Variants in MAPT observed in about 807,000 individuals in gnomAD.
MAPT encodes the protein microtubule associated protein tau.
MAPT carries 34 observed loss-of-function variants against 67.9 expected under a neutral mutation model. The ratio of observed to expected loss-of-function variants is 0.50; its 90% CI spans 0.38 to 0.67. The LOEUF (loss-of-function observed/expected upper bound fraction) is 0.67. Ranked by LOEUF, MAPT falls within the 30% of genes least tolerant of loss-of-function variation. MAPT has a pLI of 0.00. For missense variants in MAPT, 881 were observed against 1,115.2 expected, an observed-to-expected ratio of 0.79 and a Z score of 2.99; for synonymous variants, 456 against 464.5, an observed-to-expected ratio of 0.98 and a Z score of 0.23.
At chr17:45,930,345 T>G (rs1483964157) in intron 1 of MAPT, among the ~76,000 whole-genome samples, 1 of 150,550 alleles carries the variant, frequency 6.6e-6, no homozygotes, top group Admixed American at 6.6e-5. Context: ...AGGTAGAGGT[T>G]GCAGTGAGCC....
At chr17:46,014,649 T>C (rs1038419142) in intron 11 of MAPT, among the ~76,000 whole-genome samples, 5 of 151,754 alleles carry the variant, frequency 3.3e-5, no homozygotes, top group Admixed American at 2.0e-4. Flanking sequence ...CCAAGGTGGG[T>C]GGATCATGAG....
At chr17:45,991,638 A>C (rs1169482378) in intron 8 of MAPT, 52 bp downstream of exon 8, 1 of 1,613,288 alleles carries the variant, frequency 6.2e-7, no homozygotes, top group Admixed American at 1.7e-5. Context: ...TCTCAGAGGT[A>C]CAGCCTTCAT....
intron 2 of MAPT, among the ~76,000 whole-genome samples, chr17:45,970,378 T>C (rs769681309): frequency 6.8e-6 from 1 of 146,982 alleles, no homozygotes; most frequent in Non-Finnish European, 1.5e-5. Context: ...ATTCATCCAA[T>C]CATCCATCCA....
intron 1 of MAPT, among the ~76,000 whole-genome samples, chr17:45,955,549 T>C (rs17571739): frequency 0.14 from 21,790 of 152,038 alleles, 2,131 homozygotes; most frequent in Non-Finnish European, 0.22. Context: ...GCGTGTCCAG[T>C]GGTTTACCCC....
rs372902850 is a variant in MAPT at position 45,971,830 on chromosome 17, G to A, written c.134-29G>A. The A allele has an allele frequency of 8.9e-5, 137 of 1,535,692 alleles. No individual in the cohort carries two copies. Among genetic ancestry groups the A allele is most frequent in the African/African-American group, 2.0e-4 (15 of 73,412 alleles). On this transcript the variant is annotated intron_variant, in intron 2 of 12. Transcript: ENST00000262410. This position sits in a 1 kb window ranked among gnomAD's most constrained non-coding sequence, Gnocchi z 4.3. ...AAGGGGGCGCTGGGGAGAGGCCACC[G>A]TTCTGAGGGCTCACTGTATGTGTTC...
intron 11 of MAPT, among the ~76,000 whole-genome samples, chr17:46,018,355 T>C (rs990824595): frequency 6.7e-6 from 1 of 149,134 alleles, no homozygotes; most frequent in African/African-American, 2.4e-5. Context: ...CCAAACACCA[T>C]TCTAAAGGAG....
intron 1 of MAPT, chr17:45,895,184 TC>T (rs1239644706): frequency 6.6e-6 from 1 of 151,236 alleles, no homozygotes; most frequent in Non-Finnish European, 1.5e-5. Flanking sequence ...TGGATCGGGT[TC>T]TAGAAAAGAT....
chr17:45,998,044 G>A (rs1417319938), intron 9 of MAPT, among the ~76,000 whole-genome samples: 2 of 152,220 alleles, frequency 1.3e-5, no homozygotes, highest in Non-Finnish European at 2.9e-5. Context: ...GGCTGCAGAT[G>A]TGCTGGGCCT....
intron 9 of MAPT, among the ~76,000 whole-genome samples, chr17:45,998,397 G>A (rs764409531): frequency 2.6e-5 from 4 of 152,194 alleles, no homozygotes; most frequent in Non-Finnish European, 5.9e-5. Context: ...CGTGCCAGGC[G>A]GTGCACAGAG....
Position 45,942,985 on chromosome 17 carries a change from T to C in MAPT, c.-17-19336T>C, listed in dbSNP as rs550126333. On this transcript the variant is annotated intron_variant, in intron 1 of 12. Coordinates refer to ENST00000262410, the MANE Select transcript of MAPT (RefSeq NM_001377265.1). ...CTTATCTCTGGCCCCAATGCCGCCA[T>C]GCAGAAGTGTCTGGGGGCACTTTGT... Among the ~76,000 whole-genome samples, 64 of 152,236 alleles carry C rather than the reference T, an allele frequency of 4.2e-4. 1 individual carries two copies. Among genetic ancestry groups the C allele is most frequent in the Non-Finnish European group, 7.6e-4 (52 of 68,034 alleles).
chr17:45,966,208 A>G (rs1490349676), intron 2 of MAPT, among the ~76,000 whole-genome samples: 1 of 152,242 alleles, frequency 6.6e-6, no homozygotes, highest in African/African-American at 2.4e-5. Context: ...CAACAAGGGA[A>G]CTGGATGTGG....
chr17:46,014,440 C>T, intron 11 of MAPT, 116 bp downstream of exon 11: 2 of 780,676 alleles, frequency 2.6e-6, no homozygotes, highest in Non-Finnish European at 2.3e-6. Flanking sequence ...TTTAGGTAGA[C>T]CTACATCAAG....
chr17:46,020,835 T>C (rs1359086760), intron 12 of MAPT, among the ~76,000 whole-genome samples: 1 of 152,114 alleles, frequency 6.6e-6, no homozygotes, highest in Non-Finnish European at 1.5e-5. Context: ...CAATTCAAGA[T>C]GACATTTGGG....
chr17:46,022,245 C>T (rs1416613921), intron 12 of MAPT, among the ~76,000 whole-genome samples: 1 of 150,568 alleles, frequency 6.6e-6, no homozygotes, highest in East Asian at 2.0e-4. Flanking sequence ...GTCCCAGCTA[C>T]TTGGGAGGCC....
chr17:45,966,484 G>A (rs977102519), intron 2 of MAPT, among the ~76,000 whole-genome samples: 9 of 152,062 alleles, frequency 5.9e-5, no homozygotes, highest in African/African-American at 1.9e-4. Flanking sequence ...AGCTACTTGC[G>A]GGGCTGAGGT....
intron 1 of MAPT, among the ~76,000 whole-genome samples, chr17:45,911,218 T>C (rs1025262975): frequency 6.6e-6 from 1 of 152,216 alleles, no homozygotes; most frequent in African/African-American, 2.4e-5. Context: ...CGCAGGGAGA[T>C]GCTTTATTCA....
intron 1 of MAPT, among the ~76,000 whole-genome samples, chr17:45,930,581 G>A (rs2066758742): frequency 6.6e-6 from 1 of 152,144 alleles, no homozygotes; most frequent in Non-Finnish European, 1.5e-5. Context: ...TAAGTCACTT[G>A]TCCCAGGCCA....
chr17:45,920,355 C>T (rs976542273), intron 1 of MAPT, among the ~76,000 whole-genome samples: 1 of 152,176 alleles, frequency 6.6e-6, no homozygotes, highest in Non-Finnish European at 1.5e-5. Flanking sequence ...CACCATAATG[C>T]CCTGTTGAGT....
intron 9 of MAPT, chr17:45,999,241 C>T: frequency 6.3e-7 from 1 of 1,593,054 alleles, no homozygotes; most frequent in Non-Finnish European, 8.6e-7. Flanking sequence ...TAAACTCTGA[C>T]CACACTGAGC....
Sources: gnomAD v4.1 joint callset for allele counts (sites outside exome capture counted in the v4.1 genomes callset) on GRCh38, gnomAD v4.1.1 for gene constraint, Gnocchi (gnomAD v3.1) non-coding constraint, MANE v1.5 for transcripts, NCBI Gene and HGNC (gene_info 2026-07-23, HGNC 2026-07-21) for gene names.